Variants in VWF observed in about 807,000 individuals in gnomAD.
VWF encodes Factor VIII related antigen.
VWF carries 176 observed loss-of-function variants against 308.6 expected under a neutral mutation model. The observed-to-expected ratio is 0.57, with a 90% CI of 0.50 to 0.65. VWF has a LOEUF of 0.65. Ranked by LOEUF, VWF falls within the 30% of genes least tolerant of loss-of-function variation. The probability of loss-of-function intolerance (pLI) is 0.00; values close to 1 mark genes in which losing one functional copy is unlikely to be tolerated. For missense variants in VWF, 3,146 were observed against 3,648.2 expected, an observed-to-expected ratio of 0.86 and a Z score of 3.55; for synonymous variants, 1,385 against 1,443.4, an observed-to-expected ratio of 0.96 and a Z score of 0.92.
At chr12:5,959,671 T>C (rs764585608) in intron 47 of VWF, among the ~76,000 whole-genome samples, 10 of 152,032 alleles carry the variant, frequency 6.6e-5, no homozygotes, top group Non-Finnish European at 1.5e-4. Context: ...CCAATTTCAA[T>C]ATAATGAAAT....
intron 3 of VWF, among the ~76,000 whole-genome samples, chr12:6,118,535 C>T (rs1945394292): frequency 6.6e-6 from 1 of 151,844 alleles, no homozygotes; most frequent in Non-Finnish European, 1.5e-5. Context: ...TACAGGCACC[C>T]ACCACAACGC....
rs563856279 is a variant in VWF, at chr12:5,985,604, C to T, written c.6860G>A (p.Arg2287Gln). 1.0e-4 allele frequency: 165 copies of T among 1,614,124 alleles called. No individual in the cohort carries two copies. In the East Asian group the frequency reaches 3.1e-3, roughly 30 times the overall value. Residue 2287 changes from arginine (R) to glutamine (Q), a missense_variant, in exon 39 of 52, where the codon CGG becomes CAG. Physicochemically the swap from Arg to Gln is conservative, Grantham distance 43. Around this residue, in one of 3 missense-constraint regions of VWF, gnomAD observed 989 missense variants for 1,117.4 expected, o/e 0.89. Coordinates refer to ENST00000261405, the MANE Select transcript of VWF (RefSeq NM_000552.5). ...GGGCTGCGTTGTGCAGTTGACCTTCCGCCCGCTGAGGCATGTGCAGATCTG... is the reference window on the plus strand; with the variant it reads ...GGGCTGCGTTGTGCAGTTGACCTTCTGCCCGCTGAGGCATGTGCAGATCTG... The part of the protein sequence containing the change: ...PCQICTCLSG[R>Q]KVNCTTQPCP...
intron 20 of VWF, among the ~76,000 whole-genome samples, chr12:6,032,570 G>A (rs550928637): frequency 2.6e-5 from 4 of 151,486 alleles, no homozygotes; most frequent in Non-Finnish European, 5.9e-5. Flanking sequence ...TCGAGGAGGC[G>A]GAGCTTGCAG....
chr12:6,097,286 A>C (rs540179355), intron 5 of VWF, among the ~76,000 whole-genome samples: 59 of 152,020 alleles, frequency 3.9e-4, no homozygotes, highest in Non-Finnish European at 7.8e-4. Flanking sequence ...AATACAAAAA[A>C]ATTAGCCAGG....
At chr12:6,095,327 T>C in intron 6 of VWF, 133 bp downstream of exon 6, 8 of 1,390,056 alleles carry the variant, frequency 5.8e-6, no homozygotes, top group African/African-American at 1.4e-5. Context: ...CTAGCCACAG[T>C]TAGTTTTGGA....
At chr12:6,069,914 A>T (rs574090323) in intron 10 of VWF, among the ~76,000 whole-genome samples, 2 of 152,316 alleles carry the variant, frequency 1.3e-5, no homozygotes, top group East Asian at 3.9e-4. Context: ...GGACAGTTGG[A>T]AGGATGATGG....
chr12:5,965,912 CA>C (rs1943396556), intron 47 of VWF, among the ~76,000 whole-genome samples: 1 of 152,174 alleles, frequency 6.6e-6, no homozygotes. Context: ...TGGGAGATAC[CA>C]GAATTCTGGA....
intron 3 of VWF, 39 bp downstream of exon 3, chr12:6,121,135 C>A: frequency 6.2e-7 from 1 of 1,613,736 alleles, no homozygotes; most frequent in Non-Finnish European, 8.5e-7. Flanking sequence ...CTCAGCCAGC[C>A]CTCCCTCTGA....
In VWF at chr12:6,060,121, G is replaced by C. The variant is rs182801023; in HGVS notation, c.1534-2077C>G. Among the ~76,000 whole-genome samples the C allele has an allele frequency of 2.5e-4, 38 of 152,136 alleles. No homozygotes were observed. The highest frequency in any genetic ancestry group is 6.5e-4 in the Admixed American group (10 of 15,280). On this transcript the variant is annotated intron_variant, in intron 13 of 51. Coordinates refer to ENST00000261405, the MANE Select transcript of VWF (RefSeq NM_000552.5). The surrounding 1 kb of genome is among the most constrained non-coding windows in gnomAD (Gnocchi z 5.1). ...GTTAGGAGAGTGGGGGCGACACTTA[G>C]AGACTCTCTTAGTGTCACTTAGCGA...
chr12:6,035,742 G>C (rs1944329071), intron 19 of VWF, among the ~76,000 whole-genome samples: 1 of 152,158 alleles, frequency 6.6e-6, no homozygotes, highest in South Asian at 2.1e-4. Context: ...AATGACTGGT[G>C]GGGCGAGGTC....
In VWF at chr12:6,018,757, T is replaced by C. The variant is rs182250388; in HGVS notation, c.4661A>G (p.Glu1554Gly). The C allele has an allele frequency of 1.9e-6, 3 of 1,613,496 alleles. No individual in the cohort carries two copies. The highest frequency in any genetic ancestry group is 1.7e-5 in the Admixed American group (1 of 59,996). The change falls in exon 28 of 52, where the codon GAG (glutamate) becomes GGG (glycine). Residue 1554 changes from glutamate to glycine, a missense_variant. By Grantham distance (98) the Glu-to-Gly change is moderately conservative. Coordinates refer to ENST00000261405, the MANE Select transcript of VWF (RefSeq NM_000552.5). ...CAGGATGTCCCCTTTGGACTGTGCC[T>C]CGCTGAAGGGGTACTCCACAGTCAC... ...YMVTVEYPFSEAQSKGDILQR... is the reference protein window; with the variant it reads ...YMVTVEYPFSGAQSKGDILQR...
rs749109451 is a variant in VWF, at chr12:6,019,724, G to A, written c.3694C>T (p.Leu1232Phe). Residue 1232 changes from leucine to phenylalanine, a missense_variant, in exon 28 of 52, where the codon CTC (leucine) becomes TTC (phenylalanine). By Grantham distance (22) the Leu-to-Phe change is conservative. Coordinates refer to ENST00000261405, the MANE Select transcript of VWF (RefSeq NM_000552.5). This position sits in a 1 kb window ranked among gnomAD's most constrained non-coding sequence, Gnocchi z 5.8. ...GGCTCCTGGCAGGCTTCACAGGTGAGGTTGACAACATCACAGTGGCTGCAG... is the reference window on the plus strand; with the variant it reads ...GGCTCCTGGCAGGCTTCACAGGTGAAGTTGACAACATCACAGTGGCTGCAG... The part of the protein sequence containing the change: ...CQICHCDVVN[L>F]TCEACQEPGG... 49 of 1,613,252 alleles carry A rather than the reference G, an allele frequency of 3.0e-5. No homozygotes were observed. The highest frequency in any genetic ancestry group is 3.7e-5 in the Non-Finnish European group (44 of 1,179,634).
chr12:6,119,358 G>A (rs1461456198), intron 3 of VWF, among the ~76,000 whole-genome samples: 2 of 152,192 alleles, frequency 1.3e-5, no homozygotes, highest in Admixed American at 6.5e-5. Flanking sequence ...ACAGCTCTCC[G>A]GGTGGTCCTG....
intron 6 of VWF, among the ~76,000 whole-genome samples, chr12:6,089,672 T>C (rs1311486238): frequency 6.6e-6 from 1 of 152,204 alleles, no homozygotes; most frequent in Admixed American, 6.5e-5. Context: ...AATGAGATCA[T>C]TCCTTTGTAT....
At chr12:6,051,281 TTTTTC>T (rs1944506521) in intron 16 of VWF, among the ~76,000 whole-genome samples, 2 of 110,142 alleles carry the variant, frequency 1.8e-5, no homozygotes, top group African/African-American at 6.8e-5. Flanking sequence ...AGGACTTCTT[TTTTTC>T]TTTTTTTTTT....
rs1405292419 is a variant in VWF, at chr12:6,058,173, A to G, written c.1534-129T>C. Reference sequence around the variant, plus strand: ...TGAAACATAAATATGAATGTAATAAAAGGCAGCTAAGCCCTAGGCTGCAAA... The same window carrying G: ...TGAAACATAAATATGAATGTAATAAGAGGCAGCTAAGCCCTAGGCTGCAAA... On this transcript the variant is annotated intron_variant, in intron 13 of 51. Transcript: ENST00000261405. This position sits in a 1 kb window ranked among gnomAD's most constrained non-coding sequence, Gnocchi z 4.9. 1 of 1,040,128 alleles carries G rather than the reference A, an allele frequency of 9.6e-7. No homozygotes were observed. Among genetic ancestry groups the G allele is most frequent in the Non-Finnish European group, 1.4e-6 (1 of 729,066 alleles). 64.4% of individuals were successfully genotyped at this position (1,040,128 alleles called of 1,614,324 possible).
chr12:5,954,927 G>A (rs975930523), intron 47 of VWF, among the ~76,000 whole-genome samples: 2 of 152,162 alleles, frequency 1.3e-5, no homozygotes, highest in Non-Finnish European at 2.9e-5. Flanking sequence ...TCAGCCTAGG[G>A]CTAAGAAAAA....
Position 6,018,738 on chromosome 12 carries a change from G to A in VWF, c.4680C>T (p.Asp1560=), listed in dbSNP as rs1443549124. ...YPFSEAQSKG[D]ILQRVREIRY... is the part of the protein sequence containing the mutation. Reference sequence around the variant, plus strand: ...GGATCTCTCGCACCCGCTGCAGGATGTCCCCTTTGGACTGTGCCTCGCTGA... The same window carrying A: ...GGATCTCTCGCACCCGCTGCAGGATATCCCCTTTGGACTGTGCCTCGCTGA... The change falls in exon 28 of 52, where the codon GAC becomes GAT. Residue 1560 remains aspartate, a synonymous_variant. Transcript: ENST00000261405. 6.2e-7 allele frequency: 1 copy of A among 1,613,522 alleles called. No homozygotes were observed. Among genetic ancestry groups the A allele is most frequent in the Non-Finnish European group, 8.5e-7 (1 of 1,179,908 alleles).
At chr12:6,045,570 G>A (rs567097764) in intron 17 of VWF, among the ~76,000 whole-genome samples, 1 of 152,302 alleles carries the variant, frequency 6.6e-6, no homozygotes, top group Non-Finnish European at 1.5e-5. Context: ...ACAAGTTCTG[G>A]TCTCAACCTT....
Sources: allele counts gnomAD v4.1 joint callset (sites outside exome capture counted in the v4.1 genomes callset), GRCh38; gene constraint gnomAD v4.1.1; regional missense constraint gnomAD v4.1.1; non-coding constraint Gnocchi (gnomAD v3.1); transcripts MANE v1.5; gene names NCBI Gene and HGNC (gene_info 2026-07-23, HGNC 2026-07-21).